SYT1: variants seen among roughly 807,000 people sequenced by gnomAD.
SYT1 encodes the protein synaptotagmin-1.
A neutral mutation model predicts 44.8 loss-of-function variants in SYT1; 8 were observed. That is an observed-to-expected ratio of 0.18 (90% CI 0.10 to 0.32). The LOEUF (loss-of-function observed/expected upper bound fraction) is 0.32. Ranked by LOEUF, SYT1 falls within the 10% of genes least tolerant of loss-of-function variation. The probability of loss-of-function intolerance (pLI) is 1.00; values close to 1 mark genes in which losing one functional copy is unlikely to be tolerated. For synonymous variants in SYT1, 154 were observed against 188.8 expected (o/e 0.82, Z 1.51); for missense variants, 286 against 509.3 (o/e 0.56, Z 4.22).
At chr12:79,107,927 A>G (rs1030844135) in intron 3 of SYT1, among the ~76,000 whole-genome samples, 1 of 152,072 alleles carries the variant, frequency 6.6e-6, no homozygotes, top group African/African-American at 2.4e-5. Context: ...GAGATGTACT[A>G]GATGGGCTAC....
Position 78,877,364 on chromosome 12 carries a change from G to A in SYT1, c.-217+12255G>A, listed in dbSNP as rs1339678374. On this transcript the variant is annotated intron_variant, in intron 1 of 10. Coordinates refer to ENST00000261205, the MANE Select transcript of SYT1 (RefSeq NM_005639.3). ...GGGAAAAACCTTCCCCCATGATTCC[G>A]TTACCTCCCACTCTGTCCCTCCCAC... Among the ~76,000 whole-genome samples the A allele has an allele frequency of 7.9e-5, 12 of 151,410 alleles. No homozygotes were observed. The East Asian group carries it at 2.0e-3, about 25-fold the overall frequency.
chr12:78,941,065 C>CTTTTTTTTTTTTTTTTTTTTTTTTCTT (rs398044555), intron 1 of SYT1, among the ~76,000 whole-genome samples: 1 of 68,442 alleles, frequency 1.5e-5, no homozygotes, highest in Non-Finnish European at 2.9e-5. Flanking sequence ...CTTTTTTTTT[C>CTTTTTTTTTTTTTTTTTTTTTTTTCTT]TTTTTTTTTT....
At chr12:79,162,771 T>C (rs1452720676) in intron 3 of SYT1, among the ~76,000 whole-genome samples, 1 of 152,138 alleles carries the variant, frequency 6.6e-6, no homozygotes, top group Non-Finnish European at 1.5e-5. Context: ...TGTTTTGAAA[T>C]TAAATGCAAG....
chr12:78,867,998 C>A (rs1044913047), intron 1 of SYT1, among the ~76,000 whole-genome samples: 3 of 151,810 alleles, frequency 2.0e-5, no homozygotes, highest in Admixed American at 2.0e-4. Context: ...AATATCAGTT[C>A]ATCACTTTTG....
chr12:79,056,181 CTGT>C lies in SYT1; in HGVS notation c.-18+8825_-18+8827del, dbSNP rs554467181. Among the ~76,000 whole-genome samples the C allele has an allele frequency of 6.7e-4, 102 of 152,068 alleles. 4 individuals are homozygous for C. The South Asian group carries it at 0.016, about 24-fold the overall frequency. On this transcript the variant is annotated intron_variant, in intron 3 of 10. Coordinates refer to ENST00000261205, the MANE Select transcript of SYT1 (RefSeq NM_005639.3). The stretch of plus-strand genomic sequence containing the variant: ...ATGATGCATTTCTCAGGATGTACCC[CTGT>C]TGTTGAGTGATTCATAACTGTATAT...
chr12:79,227,605 A>T (rs1472233342), intron 4 of SYT1, among the ~76,000 whole-genome samples: 2 of 152,228 alleles, frequency 1.3e-5, no homozygotes, highest in Admixed American at 6.5e-5. Context: ...AATTAAAAAT[A>T]CAAGCTCTAG....
At chr12:78,914,674 T>A (rs540398587) in intron 1 of SYT1, among the ~76,000 whole-genome samples, 14 of 152,156 alleles carry the variant, frequency 9.2e-5, no homozygotes, top group Admixed American at 2.6e-4. Context: ...ACTTCATTTA[T>A]GGTTCCTATA....
intron 1 of SYT1, among the ~76,000 whole-genome samples, chr12:78,952,180 T>C (rs550880085): frequency 1.4e-4 from 21 of 152,264 alleles, no homozygotes; most frequent in African/African-American, 4.6e-4. Flanking sequence ...TATGCAATAC[T>C]CAGCGCTTCA....
At chr12:78,891,565 A>T (rs1282280639) in intron 1 of SYT1, among the ~76,000 whole-genome samples, 7 of 151,924 alleles carry the variant, frequency 4.6e-5, no homozygotes, top group Non-Finnish European at 8.8e-5. Flanking sequence ...GGTGTTACTG[A>T]ATTTTAAAGT....
intron 2 of SYT1, among the ~76,000 whole-genome samples, chr12:79,026,700 T>TATATATATATCA (rs1555190364): frequency 8.6e-6 from 1 of 116,802 alleles, no homozygotes; most frequent in African/African-American, 3.5e-5. Context: ...TATATATATA[T>TATATATATATCA]ATCACACTTT....
intron 3 of SYT1, among the ~76,000 whole-genome samples, chr12:79,186,833 A>G (rs1918203): frequency 0.75 from 114,628 of 151,918 alleles, 43,997 homozygotes; most frequent in African/African-American, 0.89. Flanking sequence ...GTTTTTTTCA[A>G]TCTGTGTGAA....
Position 78,961,327 on chromosome 12 carries a change from TTGAACTCCTGGCCCCAAG to T in SYT1, c.-216-16468_-216-16451del. Among the ~76,000 whole-genome samples the T allele has an allele frequency of 2.0e-5, 3 of 152,166 alleles. 1 individual carries two copies. The highest frequency in any genetic ancestry group is 6.8e-3 in the Middle Eastern group (2 of 294). ...TCTTATTGTGTTGCCCAAGCTGGTC[TTGAACTCCTGGCCCCAAG>T]TGATCCTCCCACCTCAGCCTCCTAA... On this transcript the variant is annotated intron_variant, in intron 1 of 10. Transcript: ENST00000261205.
intron 1 of SYT1, among the ~76,000 whole-genome samples, chr12:78,967,123 A>G (rs1868267510): frequency 6.6e-6 from 1 of 152,164 alleles, no homozygotes; most frequent in Admixed American, 6.5e-5. Context: ...GCTCAATTTA[A>G]CAAATATTTA....
intron 2 of SYT1, among the ~76,000 whole-genome samples, chr12:79,025,249 C>G (rs1565768749): frequency 1.3e-5 from 2 of 151,658 alleles, no homozygotes; most frequent in South Asian, 2.1e-4. Flanking sequence ...TTATCTGAAC[C>G]ATCATTAGTT....
intron 1 of SYT1, among the ~76,000 whole-genome samples, chr12:78,874,619 C>T (rs1873973627): frequency 6.6e-6 from 1 of 151,550 alleles, no homozygotes; most frequent in African/African-American, 2.4e-5. Flanking sequence ...AATTCTTTCA[C>T]TTGTAAAAAT....
At chr12:79,117,572 C>A in intron 3 of SYT1, among the ~76,000 whole-genome samples, 1 of 148,666 alleles carries the variant, frequency 6.7e-6, no homozygotes, top group South Asian at 2.1e-4. Context: ...CAGCTTCTGC[C>A]CATGGGGTGC....
intron 1 of SYT1, among the ~76,000 whole-genome samples, chr12:78,916,563 T>G (rs1245000554): frequency 6.6e-6 from 1 of 151,950 alleles, no homozygotes; most frequent in African/African-American, 2.4e-5. Context: ...ATTGATCTGT[T>G]CGCTTGAACC....
intron 3 of SYT1, among the ~76,000 whole-genome samples, chr12:79,213,727 C>A (rs1874607416): frequency 6.6e-6 from 1 of 152,140 alleles, no homozygotes; most frequent in Non-Finnish European, 1.5e-5. Flanking sequence ...GAGTTTGAGA[C>A]CAGCCTGGCC....
intron 9 of SYT1, among the ~76,000 whole-genome samples, chr12:79,416,131 CTAA>C (rs1484272254): frequency 6.6e-6 from 1 of 152,038 alleles, no homozygotes. Context: ...GAGAAGAAAA[CTAA>C]TAAGAGAGAG....
Sources: allele counts gnomAD v4.1 joint callset (sites outside exome capture counted in the v4.1 genomes callset), GRCh38; gene constraint gnomAD v4.1.1; transcripts MANE v1.5; gene names NCBI Gene and HGNC (gene_info 2026-07-23, HGNC 2026-07-21).